Variants in CSMD2 observed in about 807,000 individuals in gnomAD.
CSMD2 encodes the protein CUB and sushi domain-containing protein 2.
A neutral mutation model predicts 398.5 loss-of-function variants in CSMD2; 130 were observed. The observed-to-expected ratio is 0.33, with a 90% CI of 0.28 to 0.38. The LOEUF is 0.38. Among genes scored for constraint, CSMD2 ranks in the 10% least tolerant of loss-of-function variants. The probability of loss-of-function intolerance (pLI) is 1.00; values close to 1 mark genes in which losing one functional copy is unlikely to be tolerated. For synonymous variants in CSMD2, 1,828 were observed against 1,908.5 expected (o/e 0.96, Z 1.10); for missense variants, 3,829 against 4,764.9 (o/e 0.80, Z 5.78).
At chr1:34,086,614 G>A (rs1187433988) in intron 2 of CSMD2, among the ~76,000 whole-genome samples, 1 of 152,030 alleles carries the variant, frequency 6.6e-6, no homozygotes, top group Non-Finnish European at 1.5e-5. Context: ...AACAAATCCT[G>A]TCCACTCTGT....
chr1:33,736,911 G>C (rs1470927672), intron 15 of CSMD2, among the ~76,000 whole-genome samples: 1 of 152,224 alleles, frequency 6.6e-6, no homozygotes, highest in Non-Finnish European at 1.5e-5. Context: ...AGATCTCAGA[G>C]ATATGAACCA....
intron 3 of CSMD2, among the ~76,000 whole-genome samples, chr1:33,985,904 C>T (rs1349464219): frequency 6.6e-6 from 1 of 152,168 alleles, no homozygotes; most frequent in Non-Finnish European, 1.5e-5. Context: ...CAGGGCACAG[C>T]GACTCATGTT....
At chr1:34,130,389 CAAAAAAAA>C (rs60733725) in intron 1 of CSMD2, among the ~76,000 whole-genome samples, 32 of 58,500 alleles carry the variant, frequency 5.5e-4, no homozygotes, top group Admixed American at 1.2e-3. Context: ...TGTCTGGAGG[CAAAAAAAA>C]AAAAAAAAAA....
chr1:33,981,638 G>A (rs1340385814), intron 3 of CSMD2, among the ~76,000 whole-genome samples: 2 of 152,214 alleles, frequency 1.3e-5, no homozygotes, highest in African/African-American at 4.8e-5. Flanking sequence ...AACTAGATAT[G>A]TTGCCACTCT....
At chr1:34,100,898 G>A (rs1659875787) in intron 1 of CSMD2, among the ~76,000 whole-genome samples, 1 of 152,154 alleles carries the variant, frequency 6.6e-6, no homozygotes, top group Admixed American at 6.5e-5. Flanking sequence ...TTGGTTTCAG[G>A]TGGGGTCGGG....
intron 5 of CSMD2, among the ~76,000 whole-genome samples, chr1:33,915,137 T>TTGA (rs1558096429): frequency 6.6e-6 from 1 of 152,206 alleles, no homozygotes; most frequent in African/African-American, 2.4e-5. Context: ...TCTTGTCTTC[T>TTGA]TGATAGGTGA....
chr1:33,930,196 A>C (rs749391379), intron 4 of CSMD2, among the ~76,000 whole-genome samples: 4 of 152,220 alleles, frequency 2.6e-5, no homozygotes, highest in Non-Finnish European at 5.9e-5. Context: ...ACTCAAGAGA[A>C]AGTTGTTGAG....
At chr1:33,836,460 G>C (rs1660278819) in intron 6 of CSMD2, among the ~76,000 whole-genome samples, 1 of 152,210 alleles carries the variant, frequency 6.6e-6, no homozygotes, top group Non-Finnish European at 1.5e-5. Context: ...TGTCCCCAAA[G>C]GTGGAATCTA....
chr1:33,652,343 G>A lies in CSMD2; in HGVS notation c.4566C>T (p.Val1522=), dbSNP rs758315572. 2 of 1,614,050 alleles carry A rather than the reference G, an allele frequency of 1.2e-6. No homozygotes were observed. The highest frequency in any genetic ancestry group is 4.5e-5 in the East Asian group (2 of 44,892). The change falls in exon 28 of 71, where the codon GTC becomes GTT. Residue 1522 remains valine (V), a synonymous_variant. Transcript: ENST00000373381. ...DWKVTVSPDY[V]IALVFNIFNL... is the part of the protein sequence containing the mutation. ...CATACATGTTAAATACCAGGGCGAT[G>A]ACGTAGTCTGGTGAGACGGTCACTT...
At chr1:33,820,635 A>C in intron 7 of CSMD2, 79 bp from the exon 8 acceptor site, 1 of 971,260 alleles carries the variant, frequency 1.0e-6, no homozygotes, top group Non-Finnish European at 1.6e-6. Context: ...CAGCTGGGGC[A>C]ATGTCTCAGG....
chr1:33,692,844 G>T (rs1037081508), intron 25 of CSMD2, 86 bp downstream of exon 25: 3 of 1,531,422 alleles, frequency 2.0e-6, no homozygotes, highest in Non-Finnish European at 2.7e-6. Context: ...GGCAGGCCAG[G>T]CACTAGCTGG....
In CSMD2 at chr1:34,089,159, A is replaced by G. The variant is rs148250617; in HGVS notation, c.222T>C (p.Asn74=). ...QNCTFQLHGP[N]GTVESPGFPY... is the part of the protein sequence containing the mutation. ...GGAACCCTGGGCTCTCAACTGTCCC[A>G]TTGGGACCGTGCAGTTGGAACGTGC... The change falls in exon 2 of 71, where the codon AAT becomes AAC. Residue 74 remains asparagine (N), a synonymous_variant. Coordinates refer to ENST00000373381, the MANE Select transcript of CSMD2 (RefSeq NM_001281956.2). The G allele has an allele frequency of 4.5e-5, 72 of 1,614,090 alleles. 1 individual carries two copies. The highest frequency in any genetic ancestry group is 6.0e-5 in the Non-Finnish European group (71 of 1,180,042).
chr1:33,739,352 A>G lies in CSMD2; in HGVS notation c.2174-18T>C, dbSNP rs1646983879. ...TCGGAAGGCTGTGTAGATGGAGTTC[A>G]AGGACATGATCAGACATTGCTGGAG... On this transcript the variant is annotated intron_variant, in intron 14 of 70. Coordinates refer to ENST00000373381, the MANE Select transcript of CSMD2 (RefSeq NM_001281956.2). 6.2e-7 allele frequency: 1 copy of G among 1,600,694 alleles called. No individual in the cohort carries two copies. The highest frequency in any genetic ancestry group is 1.7e-5 in the Admixed American group (1 of 57,390).
intron 55 of CSMD2, among the ~76,000 whole-genome samples, chr1:33,553,712 G>A (rs1657680988): frequency 6.6e-6 from 1 of 152,186 alleles, no homozygotes; most frequent in African/African-American, 2.4e-5. Flanking sequence ...AGTTCCTGCA[G>A]GAAATTAGAA....
intron 13 of CSMD2, among the ~76,000 whole-genome samples, chr1:33,764,975 T>C (rs2149311981): frequency 6.6e-6 from 1 of 152,266 alleles, no homozygotes; most frequent in East Asian, 1.9e-4. Flanking sequence ...AAAAAGTACC[T>C]GCCTATTTAA....
chr1:33,898,720 G>A (rs1444184781), intron 5 of CSMD2, among the ~76,000 whole-genome samples: 1 of 152,164 alleles, frequency 6.6e-6, no homozygotes, highest in Non-Finnish European at 1.5e-5. Flanking sequence ...GGGCATTGAG[G>A]GGGAAGCTTA....
chr1:33,934,372 G>T (rs1017874477), intron 4 of CSMD2, among the ~76,000 whole-genome samples: 1 of 152,190 alleles, frequency 6.6e-6, no homozygotes, highest in East Asian at 1.9e-4. Flanking sequence ...ATCTGATTTG[G>T]CAAAATGATG....
intron 12 of CSMD2, among the ~76,000 whole-genome samples, chr1:33,787,856 G>C (rs555336445): frequency 6.6e-6 from 1 of 152,144 alleles, no homozygotes; most frequent in South Asian, 2.1e-4. Flanking sequence ...TTCTAAGCAA[G>C]AGATGAAGAC....
rs532995768 is a variant in CSMD2 at position 33,929,076 on chromosome 1, T to A, written c.712+6684A>T. Among the ~76,000 whole-genome samples, 7 of 152,280 alleles carry A rather than the reference T, an allele frequency of 4.6e-5. No homozygotes were observed. In the South Asian group the frequency reaches 1.5e-3, roughly 32 times the overall value. On this transcript the variant is annotated intron_variant, in intron 4 of 70. Coordinates refer to ENST00000373381, the MANE Select transcript of CSMD2 (RefSeq NM_001281956.2). Reference sequence around the variant, plus strand: ...CTTCCTGCCCTCTGTGCCAGTCATCTCCATCTTGGTCATTGGCATCCCCAC... The same window carrying A: ...CTTCCTGCCCTCTGTGCCAGTCATCACCATCTTGGTCATTGGCATCCCCAC...
Sources: allele counts gnomAD v4.1 joint callset (sites outside exome capture counted in the v4.1 genomes callset), GRCh38; gene constraint gnomAD v4.1.1; transcripts MANE v1.5; gene names NCBI Gene and HGNC (gene_info 2026-07-23, HGNC 2026-07-21).